RALGAPA2: variants seen among roughly 807,000 people sequenced by gnomAD.
The protein encoded by RALGAPA2 is ral GTPase-activating protein subunit alpha-2.
In RALGAPA2, 139 loss-of-function variants were observed where a neutral mutation model predicts 230.4. That is an observed-to-expected ratio of 0.60 (90% CI 0.53 to 0.69). RALGAPA2 has a LOEUF of 0.69. Among genes scored for constraint, RALGAPA2 ranks in the 30% least tolerant of loss-of-function variants. The probability of loss-of-function intolerance (pLI) is 0.00; values close to 1 mark genes in which losing one functional copy is unlikely to be tolerated. For missense variants in RALGAPA2, 2,163 were observed against 2,276.0 expected, an observed-to-expected ratio of 0.95 and a Z score of 1.01; for synonymous variants, 847 against 837.8, an observed-to-expected ratio of 1.01 and a Z score of -0.19.
intron 38 of RALGAPA2, among the ~76,000 whole-genome samples, chr20:20,410,123 A>C (rs1041337199): frequency 2.6e-5 from 4 of 152,204 alleles, no homozygotes; most frequent in Non-Finnish European, 5.9e-5. Context: ...CATTCTGCTA[A>C]GCAATTTTCA....
At chr20:20,653,718 C>T (rs1403034486) in intron 3 of RALGAPA2, 131 bp from the exon 4 acceptor site, 5 of 533,680 alleles carry the variant, frequency 9.4e-6, no homozygotes, top group South Asian at 8.6e-5. Context: ...ATAAATACTG[C>T]ACTTCATGCT....
At position 20,504,451 on chromosome 20, in the gene RALGAPA2, A is replaced by G. The variant is rs374746149; in HGVS notation, c.5053-945T>C. Among the ~76,000 whole-genome samples, 7 of 152,272 alleles carry G rather than the reference A, an allele frequency of 4.6e-5. No homozygotes were observed. In the East Asian group the frequency reaches 1.4e-3, roughly 29 times the overall value. On this transcript the variant is annotated intron_variant, in intron 34 of 39. Coordinates refer to ENST00000202677, the MANE Select transcript of RALGAPA2 (RefSeq NM_020343.4). ...GGTACTCAAGAAACTAATAAAAAAT[A>G]AGGAAATTGGCCGGGCAATCCCAGC...
intron 37 of RALGAPA2, among the ~76,000 whole-genome samples, chr20:20,469,333 G>C (rs536927290): frequency 3.9e-5 from 6 of 152,302 alleles, no homozygotes; most frequent in African/African-American, 1.4e-4. Context: ...TTAGGGAGAG[G>C]AGTCATTTTT....
At chr20:20,705,226 A>G (rs1049481586) in intron 1 of RALGAPA2, among the ~76,000 whole-genome samples, 17 of 152,160 alleles carry the variant, frequency 1.1e-4, no homozygotes, top group African/African-American at 3.9e-4. Context: ...GTTGTTGTTG[A>G]TACAGGGTCT....
At chr20:20,668,405 AAAAAGAAAAG>A (rs145886240) in intron 3 of RALGAPA2, among the ~76,000 whole-genome samples, 1,709 of 152,290 alleles carry the variant, frequency 0.011, 30 homozygotes, top group African/African-American at 0.039. Flanking sequence ...TGTGTCTCAA[AAAAAGAAAAG>A]AAAAGAAAAG....
At chr20:20,607,650 T>C (rs886587624) in intron 14 of RALGAPA2, among the ~76,000 whole-genome samples, 2 of 152,176 alleles carry the variant, frequency 1.3e-5, no homozygotes, top group African/African-American at 4.8e-5. Context: ...AAGTAGAGAC[T>C]GATAATGTTA....
At chr20:20,505,294 CTCTA>C in intron 34 of RALGAPA2, 113 bp downstream of exon 34, 23 of 1,247,264 alleles carry the variant, frequency 1.8e-5, no homozygotes, top group Non-Finnish European at 2.4e-5. Flanking sequence ...AATTCCAGAA[CTCTA>C]TCTATGCTAT....
chr20:20,637,416 G>A lies in RALGAPA2; in HGVS notation c.752C>T (p.Pro251Leu). Residue 251 changes from proline to leucine, a missense_variant, in exon 8 of 40, where the codon CCT (proline) becomes CTT (leucine). Pro to Leu is a moderately conservative substitution (Grantham distance 98). Coordinates refer to ENST00000202677, the MANE Select transcript of RALGAPA2 (RefSeq NM_020343.4). The part of the protein sequence containing the change: ...LFTLFRKYYL[P>L]HLFPSFTKLT... The stretch of plus-strand genomic sequence containing the variant: ...CTTAGTAAATGATGGAAATAAATGA[G>A]GAAGATAATACTTTCGAAACAATGT... 1 of 1,586,778 alleles carries A rather than the reference G, an allele frequency of 6.3e-7. No homozygotes were observed. The highest frequency in any genetic ancestry group is 1.3e-5 in the African/African-American group (1 of 74,584).
At chr20:20,422,995 A>G (rs998764369) in intron 37 of RALGAPA2, among the ~76,000 whole-genome samples, 1 of 152,200 alleles carries the variant, frequency 6.6e-6, no homozygotes, top group Non-Finnish European at 1.5e-5. Flanking sequence ...GAAGGTTTTA[A>G]AACAGATGAA....
rs141784448 is a variant in RALGAPA2, at chr20:20,510,365, T to C, written c.4928+889A>G. Among the ~76,000 whole-genome samples, 11 of 152,164 alleles carry C rather than the reference T, an allele frequency of 7.2e-5. No individual in the cohort carries two copies. The East Asian group carries it at 1.9e-3, about 27-fold the overall frequency. On this transcript the variant is annotated intron_variant, in intron 33 of 39. Transcript: ENST00000202677. Reference sequence around the variant, plus strand: ...GTACCACCCTTTAAAAACATATAGATCAAAACAGATTTGAAAATTTTTGAG... The same window carrying C: ...GTACCACCCTTTAAAAACATATAGACCAAAACAGATTTGAAAATTTTTGAG...
chr20:20,694,852 A>G (rs369347141), intron 1 of RALGAPA2, among the ~76,000 whole-genome samples: 3 of 152,356 alleles, frequency 2.0e-5, no homozygotes, highest in African/African-American at 7.2e-5. Context: ...CCGGGATTTC[A>G]GTAATGCTTG....
chr20:20,696,973 C>G (rs550158570), intron 1 of RALGAPA2, among the ~76,000 whole-genome samples: 1 of 152,134 alleles, frequency 6.6e-6, no homozygotes, highest in Non-Finnish European at 1.5e-5. Flanking sequence ...TGGCCTCAAG[C>G]AATCCACCTG....
In RALGAPA2 at chr20:20,512,923, T is replaced by G. The variant is rs996730078; in HGVS notation, c.4446A>C (p.Glu1482Asp). 3.1e-6 allele frequency: 5 copies of G among 1,613,698 alleles called. No individual in the cohort carries two copies. The African/African-American group carries it at 5.3e-5, about 17-fold the overall frequency. Residue 1482 changes from glutamate (E) to aspartate (D), a missense_variant, in exon 32 of 40, where the codon GAA becomes GAC. Glu to Asp is a conservative substitution (Grantham distance 45). Coordinates refer to ENST00000202677, the MANE Select transcript of RALGAPA2 (RefSeq NM_020343.4). Reference protein sequence around the residue: ...WDGKVLYGPLEGCLAPNGRNP... With the variant: ...WDGKVLYGPLDGCLAPNGRNP... ...TTCTTCCATTGGGTGCTAAGCAGCCTTCCAAAGGTCCATATAAAACCTTAC... is the reference window on the plus strand; with the variant it reads ...TTCTTCCATTGGGTGCTAAGCAGCCGTCCAAAGGTCCATATAAAACCTTAC...
At chr20:20,628,472 T>C (rs1241850342) in intron 10 of RALGAPA2, among the ~76,000 whole-genome samples, 1 of 152,186 alleles carries the variant, frequency 6.6e-6, no homozygotes, top group Non-Finnish European at 1.5e-5. Context: ...CAAGTGGCAC[T>C]GGCCACACGC....
chr20:20,426,975 A>G (rs1471939558), intron 37 of RALGAPA2, among the ~76,000 whole-genome samples: 1 of 152,152 alleles, frequency 6.6e-6, no homozygotes, highest in African/African-American at 2.4e-5. Context: ...TTTTTTGTAG[A>G]GGAGGAAATT....
At chr20:20,401,550 G>T (rs560829816) in intron 38 of RALGAPA2, among the ~76,000 whole-genome samples, 1 of 151,996 alleles carries the variant, frequency 6.6e-6, no homozygotes, top group Non-Finnish European at 1.5e-5. Flanking sequence ...GGGCAGTGAG[G>T]TGGGATTACT....
At chr20:20,610,021 T>C (rs1297364026) in intron 14 of RALGAPA2, among the ~76,000 whole-genome samples, 9 of 152,254 alleles carry the variant, frequency 5.9e-5, no homozygotes, top group Admixed American at 5.2e-4. Flanking sequence ...AATTCCGTTA[T>C]CTTGTGTTAC....
intron 36 of RALGAPA2, among the ~76,000 whole-genome samples, chr20:20,487,461 T>A (rs1373695503): frequency 2.0e-5 from 3 of 152,222 alleles, no homozygotes; most frequent in African/African-American, 7.2e-5. Flanking sequence ...TCTCAGTCTT[T>A]CAGTGAGCCT....
chr20:20,649,559 T>C (rs2067325290), intron 4 of RALGAPA2, among the ~76,000 whole-genome samples: 2 of 152,204 alleles, frequency 1.3e-5, no homozygotes, highest in African/African-American at 4.8e-5. Context: ...ATTGCACATA[T>C]GTGAATTTTC....
Sources: gnomAD v4.1 joint callset for allele counts (sites outside exome capture counted in the v4.1 genomes callset) on GRCh38, gnomAD v4.1.1 for gene constraint, MANE v1.5 for transcripts, NCBI Gene and HGNC (gene_info 2026-07-23, HGNC 2026-07-21) for gene names.